The following DDAH1 variants were observed in gnomAD, a reference collection of about 807,000 sequenced individuals.
DDAH1 encodes dimethylarginine dimethylaminohydrolase 1.
Under a neutral mutation model 28.8 loss-of-function variants are expected in DDAH1, and 19 were observed. The observed-to-expected ratio is 0.66, with a 90% CI of 0.46 to 0.97. The LOEUF (loss-of-function observed/expected upper bound fraction) is 0.97. DDAH1 is among the 50% of genes least tolerant of loss of function. DDAH1 has a pLI of 0.00. For missense variants in DDAH1, 326 were observed against 375.9 expected, an observed-to-expected ratio of 0.87 and a Z score of 1.10; for synonymous variants, 153 against 154.4, an observed-to-expected ratio of 0.99 and a Z score of 0.07.
At chr1:85,498,406 G>A (rs1251566379) in intron 1 of DDAH1, among the ~76,000 whole-genome samples, 2 of 152,058 alleles carry the variant, frequency 1.3e-5, no homozygotes, top group Non-Finnish European at 2.9e-5. Context: ...AAAACTTATC[G>A]TGGAGCTGTT....
chr1:85,511,122 T>C (rs115035721), intron 1 of DDAH1, among the ~76,000 whole-genome samples: 1 of 152,110 alleles, frequency 6.6e-6, no homozygotes, highest in Non-Finnish European at 1.5e-5. Flanking sequence ...TCAGCAAATA[T>C]GAAAGACCAG....
At chr1:85,501,942 A>G (rs1656836818) in intron 1 of DDAH1, among the ~76,000 whole-genome samples, 1 of 152,058 alleles carries the variant, frequency 6.6e-6, no homozygotes, top group Non-Finnish European at 1.5e-5. Flanking sequence ...TAAATTTCTT[A>G]TTATTCTTTC....
intron 1 of DDAH1, among the ~76,000 whole-genome samples, chr1:85,429,645 G>A (rs1653576407): frequency 6.6e-6 from 1 of 152,184 alleles, no homozygotes; most frequent in African/African-American, 2.4e-5. Context: ...GTGTAAAAGT[G>A]TTCCTGTTTC....
intron 1 of DDAH1, among the ~76,000 whole-genome samples, chr1:85,501,301 C>T (rs186594310): frequency 4.3e-4 from 66 of 152,222 alleles, no homozygotes; most frequent in Middle Eastern, 3.4e-3. Context: ...CTCCTCCTAC[C>T]GCCTGGCCTT....
intron 1 of DDAH1, among the ~76,000 whole-genome samples, chr1:85,411,767 A>ACTG (rs542028342): frequency 6.6e-6 from 1 of 152,176 alleles, no homozygotes; most frequent in Non-Finnish European, 1.5e-5. Flanking sequence ...CCCCATGGGG[A>ACTG]CTGCTGCTGC....
chr1:85,372,118 T>A (rs1557539913), intron 1 of DDAH1, among the ~76,000 whole-genome samples: 1 of 152,152 alleles, frequency 6.6e-6, no homozygotes, highest in Non-Finnish European at 1.5e-5. Context: ...AGTAATTAAT[T>A]CTGAGAAGCT....
intron 1 of DDAH1, among the ~76,000 whole-genome samples, chr1:85,385,851 G>T (rs1352888063): frequency 6.6e-6 from 1 of 152,182 alleles, no homozygotes; most frequent in African/African-American, 2.4e-5. Flanking sequence ...TCTGGGAAGG[G>T]CTTCAAATCA....
At chr1:85,410,977 A>G (rs577785231) in intron 1 of DDAH1, among the ~76,000 whole-genome samples, 33 of 152,316 alleles carry the variant, frequency 2.2e-4, no homozygotes, top group African/African-American at 7.0e-4. Flanking sequence ...TCAACCATCA[A>G]AGAACTCGTA....
intron 1 of DDAH1, among the ~76,000 whole-genome samples, chr1:85,417,316 C>T (rs965327307): frequency 4.0e-5 from 6 of 150,038 alleles, no homozygotes; most frequent in Non-Finnish European, 5.9e-5. Context: ...GTGGGAACAG[C>T]GGGGAGGGAA....
At chr1:85,476,621 C>T (rs1033753033) in intron 2 of DDAH1, among the ~76,000 whole-genome samples, 6 of 152,020 alleles carry the variant, frequency 3.9e-5, no homozygotes, top group Admixed American at 6.6e-5. Flanking sequence ...TGGAAGCTGC[C>T]GTGCTCTTTA....
intron 1 of DDAH1, among the ~76,000 whole-genome samples, chr1:85,398,211 G>C (rs1424849602): frequency 2.0e-5 from 3 of 152,086 alleles, no homozygotes; most frequent in Non-Finnish European, 4.4e-5. Flanking sequence ...AGTATAATCT[G>C]AGATTGTTTG....
At chr1:85,433,362 C>A (rs1340371481) in intron 1 of DDAH1, among the ~76,000 whole-genome samples, 1 of 152,138 alleles carries the variant, frequency 6.6e-6, no homozygotes, top group African/African-American at 2.4e-5. Flanking sequence ...CACATGAAAT[C>A]TACCTCTCTT....
chr1:85,354,681 T>C (rs1649398296), intron 2 of DDAH1, among the ~76,000 whole-genome samples: 1 of 152,050 alleles, frequency 6.6e-6, no homozygotes, highest in Non-Finnish European at 1.5e-5. Flanking sequence ...AAAACCTCAT[T>C]ACCTTTGAAT....
At chr1:85,488,984 A>G (rs1009099707) in intron 2 of DDAH1, among the ~76,000 whole-genome samples, 8 of 152,232 alleles carry the variant, frequency 5.3e-5, no homozygotes, top group African/African-American at 1.9e-4. Flanking sequence ...TAATAGACAT[A>G]CGCTATGAAA....
At chr1:85,545,438 T>C (rs1185839750) in intron 1 of DDAH1, among the ~76,000 whole-genome samples, 1 of 152,172 alleles carries the variant, frequency 6.6e-6, no homozygotes, top group Non-Finnish European at 1.5e-5. Context: ...TCTTATTCTT[T>C]CAACTATTAA....
intron 2 of DDAH1, among the ~76,000 whole-genome samples, chr1:85,483,211 C>CAA (rs57500608): frequency 6.6e-4 from 64 of 96,914 alleles, no homozygotes; most frequent in East Asian, 2.7e-3. Flanking sequence ...GAGACTATCT[C>CAA]AAAAAAAAAA....
At chr1:85,373,841 T>G (rs1481362454) in intron 1 of DDAH1, among the ~76,000 whole-genome samples, 1 of 152,126 alleles carries the variant, frequency 6.6e-6, no homozygotes, top group Non-Finnish European at 1.5e-5. Context: ...AACTATTTTT[T>G]TTTAAGTATG....
chr1:85,465,973 C>T (rs1337404183), upstream of DDAH1, among the ~76,000 whole-genome samples: 1 of 152,218 alleles, frequency 6.6e-6, no homozygotes, highest in African/African-American at 2.4e-5. Flanking sequence ...ACCCTTGTTC[C>T]AGATGCTGGG....
At chr1:85,408,383 T>G (rs901237806) in intron 1 of DDAH1, among the ~76,000 whole-genome samples, 6 of 152,168 alleles carry the variant, frequency 3.9e-5, no homozygotes, top group African/African-American at 1.4e-4. Context: ...GTTTATCAAT[T>G]TGAAGTACTC....
Sources: gnomAD v4.1 joint callset for allele counts (sites outside exome capture counted in the v4.1 genomes callset) on GRCh38, gnomAD v4.1.1 for gene constraint, MANE v1.5 for transcripts, NCBI Gene and HGNC (gene_info 2026-07-23, HGNC 2026-07-21) for gene names.